Variants in CDH9 observed in about 807,000 individuals in gnomAD.
CDH9 encodes the protein cadherin-9.
Under a neutral mutation model 70.9 loss-of-function variants are expected in CDH9, and 28 were observed. The observed-to-expected ratio is 0.40, with a 90% confidence interval of 0.29 to 0.54. The LOEUF is 0.54. Among genes scored for constraint, CDH9 ranks in the 20% least tolerant of loss-of-function variants. The pLI is 0.59. For missense variants in CDH9, 874 were observed against 984.4 expected (o/e 0.89, Z 1.50); for synonymous variants, 409 against 343.1 (o/e 1.19, Z -2.12).
chr5:27,023,881 A>T (rs1008796425), intron 1 of CDH9, among the ~76,000 whole-genome samples: 1 of 151,640 alleles, frequency 6.6e-6, no homozygotes, highest in Non-Finnish European at 1.5e-5. Flanking sequence ...GTGAAACCCC[A>T]TCTCTACTAA....
rs145885787 is a variant in CDH9 at position 26,890,340 on chromosome 5, C to T, written c.1390+88G>A. On this transcript the variant is annotated intron_variant, in intron 8 of 11. Transcript: ENST00000231021. ...AGATCTTGCTAAGGATACAATCATACCACTCAAGAAAATGAGTCTAGCTGG... is the reference window on the plus strand; with the variant it reads ...AGATCTTGCTAAGGATACAATCATATCACTCAAGAAAATGAGTCTAGCTGG... The T allele has an allele frequency of 1.2e-5, 13 of 1,041,434 alleles. No homozygotes were observed. In the African/African-American group the frequency reaches 1.9e-4, roughly 15 times the overall value. 64.5% of individuals were successfully genotyped at this position (1,041,434 alleles called of 1,614,324 possible).
intron 7 of CDH9, among the ~76,000 whole-genome samples, chr5:26,894,646 G>A (rs185968249): frequency 5.9e-5 from 9 of 152,076 alleles, no homozygotes. Flanking sequence ...ACCCAGAATA[G>A]CACATTCAGA....
Position 26,885,630 on chromosome 5 carries a change from A to C in CDH9, c.1866T>G (p.Cys622Trp), listed in dbSNP as rs750102029. ...STGALVAILL[C>W]VLILLILVVL... is the part of the protein sequence containing the mutation. Reference sequence around the variant, plus strand: ...AGAGCTTACTAAGCAGTATGAGGACACAGAGTAGAATCGCAACGAGAGCTC... The same window carrying C: ...AGAGCTTACTAAGCAGTATGAGGACCCAGAGTAGAATCGCAACGAGAGCTC... Residue 622 changes from cysteine to tryptophan, a missense_variant, in exon 11 of 12, where the codon TGT becomes TGG. Transcript: ENST00000231021. The C allele has an allele frequency of 6.2e-7, 1 of 1,613,292 alleles. No individual in the cohort carries two copies. Among genetic ancestry groups the C allele is most frequent in the Non-Finnish European group, 8.5e-7 (1 of 1,179,840 alleles).
At chr5:26,907,984 C>CA (rs1740979470) in intron 3 of CDH9, among the ~76,000 whole-genome samples, 1 of 152,006 alleles carries the variant, frequency 6.6e-6, no homozygotes, top group Non-Finnish European at 1.5e-5. Flanking sequence ...ATGCCAATTC[C>CA]AAAAATTAAT....
In CDH9 at chr5:26,902,472, T is replaced by C; in HGVS notation, c.1253+4A>G. ...AACATAATAAATGTTTTCAAAGTACTTACTTTATTAAATTGTTCCTGGCAT... is the reference window on the plus strand; with the variant it reads ...AACATAATAAATGTTTTCAAAGTACCTACTTTATTAAATTGTTCCTGGCAT... On this transcript the variant is annotated splice_donor_region_variant and intron_variant, in intron 7 of 11. Transcript: ENST00000231021. 8 of 1,585,642 alleles carry C rather than the reference T, an allele frequency of 5.0e-6. No individual in the cohort carries two copies. Among genetic ancestry groups the C allele is most frequent in the Non-Finnish European group, 6.9e-6 (8 of 1,157,202 alleles).
rs149271787 is a variant in CDH9, at chr5:27,014,654, T to G, written c.-50+23809A>C. Among the ~76,000 whole-genome samples, 13 of 151,932 alleles carry G rather than the reference T, an allele frequency of 8.6e-5. No individual in the cohort carries two copies. In the East Asian group the frequency reaches 2.5e-3, roughly 29 times the overall value. On this transcript the variant is annotated intron_variant, in intron 1 of 11. Transcript: ENST00000231021. ...CATACTTATATACCAGATAAACATA[T>G]AGACATATATAAATATAGATATAGA... is the stretch of plus-strand genomic sequence containing the variant.
At chr5:26,998,157 A>G (rs1742699111) in intron 1 of CDH9, among the ~76,000 whole-genome samples, 1 of 152,206 alleles carries the variant, frequency 6.6e-6, no homozygotes. Context: ...CCTTTGAGCA[A>G]TAGAAACAAC....
intron 1 of CDH9, among the ~76,000 whole-genome samples, chr5:27,030,085 T>C (rs978916379): frequency 6.6e-6 from 1 of 152,032 alleles, no homozygotes; most frequent in Non-Finnish European, 1.5e-5. Flanking sequence ...TTCTCCAAAA[T>C]TCTCATGCAA....
At chr5:26,945,760 CAAT>C (rs1446104376) in intron 2 of CDH9, among the ~76,000 whole-genome samples, 1 of 152,010 alleles carries the variant, frequency 6.6e-6, no homozygotes, top group Non-Finnish European at 1.5e-5. Flanking sequence ...TAAAAAGTGT[CAAT>C]GATAATAGCG....
chr5:26,974,786 A>G (rs1742276735), intron 2 of CDH9, among the ~76,000 whole-genome samples: 2 of 151,848 alleles, frequency 1.3e-5, no homozygotes, highest in South Asian at 2.1e-4. Flanking sequence ...CCTAATTAAC[A>G]TATCCATCAC....
At chr5:26,945,321 T>C (rs1338274631) in intron 2 of CDH9, among the ~76,000 whole-genome samples, 2 of 152,068 alleles carry the variant, frequency 1.3e-5, no homozygotes, top group African/African-American at 4.8e-5. Flanking sequence ...TCAAGAATTG[T>C]TTTATTTTTT....
intron 2 of CDH9, among the ~76,000 whole-genome samples, chr5:26,922,272 A>C (rs1439749992): frequency 1.3e-5 from 2 of 152,094 alleles, no homozygotes; most frequent in Non-Finnish European, 2.9e-5. Flanking sequence ...AATAAGAACA[A>C]CAAGACATTT....
intron 2 of CDH9, among the ~76,000 whole-genome samples, chr5:26,986,865 A>G (rs1002070810): frequency 1.2e-4 from 18 of 152,068 alleles, no homozygotes; most frequent in African/African-American, 4.3e-4. Context: ...GCAAAAAGGA[A>G]CCAGCAAGGG....
At chr5:26,936,738 A>C (rs934787341) in intron 2 of CDH9, among the ~76,000 whole-genome samples, 17 of 152,078 alleles carry the variant, frequency 1.1e-4, no homozygotes, top group African/African-American at 3.9e-4. Context: ...AAATATACTC[A>C]AACAAATATA....
chr5:27,023,085 A>T (rs1743166423), intron 1 of CDH9, among the ~76,000 whole-genome samples: 1 of 152,042 alleles, frequency 6.6e-6, no homozygotes, highest in Non-Finnish European at 1.5e-5. Context: ...CATTTTAAAA[A>T]TGAAGACGTT....
intron 2 of CDH9, among the ~76,000 whole-genome samples, chr5:26,954,293 T>C (rs1381052918): frequency 1.3e-5 from 2 of 152,076 alleles, no homozygotes; most frequent in African/African-American, 4.8e-5. Flanking sequence ...CAACAATGCT[T>C]CCCATGCTTC....
At chr5:26,905,848 C>A (rs1740936790) in intron 5 of CDH9, 111 bp downstream of exon 5, 1 of 755,804 alleles carries the variant, frequency 1.3e-6, no homozygotes. Context: ...ATGGTTTTTT[C>A]TTTATGCATA....
intron 2 of CDH9, among the ~76,000 whole-genome samples, chr5:26,975,304 T>C (rs1446374199): frequency 6.6e-6 from 1 of 152,140 alleles, no homozygotes; most frequent in Non-Finnish European, 1.5e-5. Flanking sequence ...TATTTTCCAA[T>C]AAGGAAGCAT....
At chr5:27,034,450 T>A (rs1743358192) in intron 1 of CDH9, among the ~76,000 whole-genome samples, 1 of 151,760 alleles carries the variant, frequency 6.6e-6, no homozygotes, top group Non-Finnish European at 1.5e-5. Context: ...TGGTTTATAA[T>A]TTGCTAAATT....
Sources: allele counts gnomAD v4.1 joint callset (sites outside exome capture counted in the v4.1 genomes callset), GRCh38; gene constraint gnomAD v4.1.1; transcripts MANE v1.5; gene names NCBI Gene and HGNC (gene_info 2026-07-23, HGNC 2026-07-21).